The following ULK4 variants were observed in gnomAD, a reference collection of about 807,000 sequenced individuals.
The protein encoded by ULK4 is unc-51 like kinase 4, also known as inactive serine/threonine-protein kinase ULK4.
Under a neutral mutation model 160.6 loss-of-function variants are expected in ULK4, and 133 were observed. That is an observed-to-expected ratio of 0.83 (90% CI 0.72 to 0.96). The LOEUF (loss-of-function observed/expected upper bound fraction) is 0.96, where lower values mean the gene tolerates loss of function less well. ULK4 is among the 40% of genes least tolerant of loss of function. The probability of loss-of-function intolerance (pLI) is 0.00; values close to 1 mark genes in which losing one functional copy is unlikely to be tolerated. For synonymous variants in ULK4, 534 were observed against 539.8 expected, an observed-to-expected ratio of 0.99 and a Z score of 0.15; for missense variants, 1,580 against 1,499.5, an observed-to-expected ratio of 1.05 and a Z score of -0.89.
At position 41,521,643 on chromosome 3, in the gene ULK4, A is replaced by C. The variant is rs376464574; in HGVS notation, c.3226+44382T>G. ...AATCACTTATCTTGGATTTCTCTTCAATCATTCTCAAGATCTGCTTACATG... is the reference window on the plus strand; with the variant it reads ...AATCACTTATCTTGGATTTCTCTTCCATCATTCTCAAGATCTGCTTACATG... On this transcript the variant is annotated intron_variant, in intron 32 of 36. Transcript: ENST00000301831. Among the ~76,000 whole-genome samples the C allele has an allele frequency of 1.6e-3, 249 of 152,288 alleles. 3 individuals are homozygous for C. The highest frequency in any genetic ancestry group is 5.8e-3 in the African/African-American group (240 of 41,564).
intron 36 of ULK4, 93 bp downstream of exon 36, chr3:41,249,396 T>G: frequency 8.6e-7 from 1 of 1,167,376 alleles, no homozygotes; most frequent in Non-Finnish European, 1.2e-6. Flanking sequence ...GTCCCTGGTG[T>G]GGAGGGAGAT....
At chr3:41,521,262 G>A (rs1055392567) in intron 32 of ULK4, among the ~76,000 whole-genome samples, 7 of 152,126 alleles carry the variant, frequency 4.6e-5, no homozygotes, top group African/African-American at 1.7e-4. Flanking sequence ...TCTGTCAGTA[G>A]GTTCCCGGTC....
intron 35 of ULK4, among the ~76,000 whole-genome samples, chr3:41,293,509 C>T (rs1220011290): frequency 2.0e-5 from 3 of 152,122 alleles, no homozygotes; most frequent in Non-Finnish European, 4.4e-5. Flanking sequence ...AACTAAATTC[C>T]CATACAACAT....
chr3:41,549,320 G>A (rs1441543423), intron 32 of ULK4, among the ~76,000 whole-genome samples: 2 of 152,092 alleles, frequency 1.3e-5, no homozygotes, highest in African/African-American at 4.8e-5. Context: ...TGATATCAAT[G>A]AGAATTTCAA....
chr3:41,423,375 A>G (rs980414320), intron 34 of ULK4, among the ~76,000 whole-genome samples: 2 of 152,110 alleles, frequency 1.3e-5, no homozygotes, highest in Non-Finnish European at 2.9e-5. Flanking sequence ...AAAAGGGAAA[A>G]TTTGCTAGGC....
At chr3:41,381,037 G>C (rs2081639406) in intron 35 of ULK4, among the ~76,000 whole-genome samples, 1 of 152,046 alleles carries the variant, frequency 6.6e-6, no homozygotes, top group Non-Finnish European at 1.5e-5. Flanking sequence ...TCTGCCCCCA[G>C]CTTTAAATCT....
intron 22 of ULK4, among the ~76,000 whole-genome samples, chr3:41,746,171 G>T (rs909547709): frequency 6.9e-6 from 1 of 144,626 alleles, no homozygotes; most frequent in Non-Finnish European, 1.5e-5. Flanking sequence ...CTAAAATAAG[G>T]CAATAAAAAT....
chr3:41,813,037 A>C (rs2040863371), intron 19 of ULK4, among the ~76,000 whole-genome samples: 1 of 152,184 alleles, frequency 6.6e-6, no homozygotes, highest in African/African-American at 2.4e-5. Flanking sequence ...CTTACATAAT[A>C]GTCTATATAA....
At chr3:41,888,463 C>CTCT (rs1196012506) in intron 16 of ULK4, among the ~76,000 whole-genome samples, 6 of 152,170 alleles carry the variant, frequency 3.9e-5, no homozygotes, top group Admixed American at 3.9e-4. Flanking sequence ...CACAGGTAGA[C>CTCT]AGACGTTCCC....
chr3:41,330,573 G>C (rs1237877320), intron 35 of ULK4, among the ~76,000 whole-genome samples: 1 of 152,222 alleles, frequency 6.6e-6, no homozygotes, highest in African/African-American at 2.4e-5. Context: ...CTGGTGAGGG[G>C]TGACTGGTTA....
intron 35 of ULK4, among the ~76,000 whole-genome samples, chr3:41,257,168 G>A (rs1425002719): frequency 6.6e-6 from 1 of 152,180 alleles, no homozygotes; most frequent in Non-Finnish European, 1.5e-5. Flanking sequence ...TGTCATTAGG[G>A]AAATGCATAT....
At chr3:41,796,520 A>C (rs1431112330) in intron 20 of ULK4, among the ~76,000 whole-genome samples, 1 of 152,158 alleles carries the variant, frequency 6.6e-6, no homozygotes, top group Non-Finnish European at 1.5e-5. Flanking sequence ...TGAACCCAGG[A>C]GGCAGAGGTT....
intron 31 of ULK4, among the ~76,000 whole-genome samples, chr3:41,592,415 A>T (rs1286335306): frequency 6.6e-6 from 1 of 152,090 alleles, no homozygotes; most frequent in African/African-American, 2.4e-5. Context: ...CCACAGGGAG[A>T]AAGGGTGGGA....
chr3:41,719,993 C>T (rs1385604161), intron 22 of ULK4, among the ~76,000 whole-genome samples: 1 of 152,186 alleles, frequency 6.6e-6, no homozygotes, highest in Non-Finnish European at 1.5e-5. Context: ...GATGGCCCTT[C>T]TCTTCCCTCT....
chr3:41,706,066 C>A (rs1215925035), intron 25 of ULK4, among the ~76,000 whole-genome samples: 1 of 151,954 alleles, frequency 6.6e-6, no homozygotes, highest in Non-Finnish European at 1.5e-5. Flanking sequence ...CTCCTAGATA[C>A]CTCTTATTCC....
At chr3:41,261,247 A>C (rs1341182230) in intron 35 of ULK4, among the ~76,000 whole-genome samples, 1 of 152,228 alleles carries the variant, frequency 6.6e-6, no homozygotes, top group African/African-American at 2.4e-5. Context: ...AACATTTCTG[A>C]GCACCTACTA....
intron 17 of ULK4, among the ~76,000 whole-genome samples, chr3:41,844,042 A>G (rs929350292): frequency 1.3e-5 from 2 of 152,114 alleles, no homozygotes; most frequent in African/African-American, 4.8e-5. Flanking sequence ...TGTACTTACA[A>G]TCCCTTAGCT....
At chr3:41,338,845 C>T (rs1244371368) in intron 35 of ULK4, among the ~76,000 whole-genome samples, 2 of 151,602 alleles carry the variant, frequency 1.3e-5, no homozygotes, top group Non-Finnish European at 2.9e-5. Context: ...ACCAGGAATG[C>T]CAAGGGCAGA....
chr3:41,749,978 T>C (rs1352691944), intron 22 of ULK4, among the ~76,000 whole-genome samples: 1 of 151,946 alleles, frequency 6.6e-6, no homozygotes, highest in African/African-American at 2.4e-5. Flanking sequence ...CCCAGCCAAA[T>C]ACCAGCAAGA....
Sources: gnomAD v4.1 joint callset for allele counts (sites outside exome capture counted in the v4.1 genomes callset) on GRCh38, gnomAD v4.1.1 for gene constraint, MANE v1.5 for transcripts, NCBI Gene and HGNC (gene_info 2026-07-23, HGNC 2026-07-21) for gene names.